Variants in PLD3 observed in about 807,000 individuals in gnomAD.
PLD3 encodes the protein phospholipase D family member 3.
PLD3 carries 31 observed loss-of-function variants against 58.4 expected under a neutral mutation model. The observed-to-expected ratio is 0.53, with a 90% CI of 0.40 to 0.72. The LOEUF (loss-of-function observed/expected upper bound fraction) is 0.72, where lower values mean the gene tolerates loss of function less well. Ranked by LOEUF, PLD3 falls within the 30% of genes least tolerant of loss-of-function variation. The pLI is 0.00. For synonymous variants in PLD3, 264 were observed against 273.4 expected, an observed-to-expected ratio of 0.97 and a Z score of 0.34; for missense variants, 595 against 659.8, an observed-to-expected ratio of 0.90 and a Z score of 1.08.
At chr19:40,372,069 T>C (rs749711245) in intron 9 of PLD3, among the ~76,000 whole-genome samples, 196 bp downstream of exon 9, 25 of 152,170 alleles carry the variant, frequency 1.6e-4, no homozygotes, top group Non-Finnish European at 3.2e-4. Flanking sequence ...AAAATGGGTA[T>C]TGTTTCCAAC....
chr19:40,374,559 A>G lies in PLD3; in HGVS notation c.958A>G (p.Ser320Gly). The change falls in exon 10 of 13, where the codon AGT becomes GGT. Residue 320 changes from serine (S) to glycine (G), a missense_variant. By Grantham distance (56) the Ser-to-Gly change is moderately conservative. Coordinates refer to ENST00000409735, the MANE Select transcript of PLD3 (RefSeq NM_012268.4). ...ALLNVVDNAR[S>G]FIYVAVMNYL... is the part of the protein sequence containing the mutation. ...ACTCAACGTGGTGGACAATGCCCGGAGTTTCATCTACGTCGCTGTCATGAA... is the reference window on the plus strand; with the variant it reads ...ACTCAACGTGGTGGACAATGCCCGGGGTTTCATCTACGTCGCTGTCATGAA... The G allele has an allele frequency of 3.1e-6, 5 of 1,614,130 alleles. No individual in the cohort carries two copies. In the Admixed American group the frequency reaches 6.7e-5, roughly 22 times the overall value.
intron 10 of PLD3, among the ~76,000 whole-genome samples, chr19:40,375,665 A>G (rs944943911): frequency 2.4e-4 from 36 of 149,764 alleles, no homozygotes. Context: ...AAAAAAAAAG[A>G]AAAGAAAAAA....
At chr19:40,367,649 C>T (rs980434411) in intron 5 of PLD3, 47 bp from the exon 6 acceptor site, 3 of 1,535,180 alleles carry the variant, frequency 2.0e-6, no homozygotes, top group South Asian at 2.3e-5. Context: ...ACCTCCCAGC[C>T]CTTGCTCTCC....
At chr19:40,354,826 G>A (rs985025618) in intron 1 of PLD3, among the ~76,000 whole-genome samples, 3 of 145,994 alleles carry the variant, frequency 2.1e-5, no homozygotes, top group African/African-American at 7.6e-5. Context: ...GTGCCCGGCT[G>A]TGTTATTTTT....
intron 2 of PLD3, 77 bp from the exon 3 acceptor site, chr19:40,366,342 G>C (rs1035561387): frequency 1.9e-5 from 15 of 774,048 alleles, no homozygotes; most frequent in Middle Eastern, 6.9e-4. Context: ...ATAGCCCCAA[G>C]ACTAATCACT....
At chr19:40,369,096 G>A (rs2079001316) in intron 6 of PLD3, among the ~76,000 whole-genome samples, 1 of 152,124 alleles carries the variant, frequency 6.6e-6, no homozygotes, top group African/African-American at 2.4e-5. Context: ...CTGCACTCTA[G>A]CCTGGGCAAC....
intron 1 of PLD3, among the ~76,000 whole-genome samples, chr19:40,362,436 T>C (rs2078810037): frequency 6.6e-6 from 1 of 152,188 alleles, no homozygotes; most frequent in African/African-American, 2.4e-5. Context: ...TACTAGTTTT[T>C]ATTTGTTTGT....
chr19:40,375,159 CA>C (rs927680678), intron 10 of PLD3, among the ~76,000 whole-genome samples: 5 of 149,310 alleles, frequency 3.3e-5, no homozygotes, highest in African/African-American at 1.2e-4. Context: ...GACTCTGTCT[CA>C]AAAAAACAAC....
chr19:40,357,725 T>C (rs1179558081), intron 1 of PLD3: 1 of 152,138 alleles, frequency 6.6e-6, no homozygotes, highest in East Asian at 1.9e-4. Context: ...GTCTGGGCCC[T>C]AGAGCTAGAG....
chr19:40,365,848 C>T lies in PLD3; in HGVS notation c.-148C>T, dbSNP rs190321533. The T allele has an allele frequency of 6.1e-3, 936 of 153,572 alleles. 7 individuals are homozygous for T. The highest frequency in any genetic ancestry group is 0.02 in the Middle Eastern group (6 of 296). The allele number at this position is 153,572 out of a possible 1,614,324, so 9.5% of individuals were successfully genotyped here. A position where few individuals can be genotyped will look rare whatever the true frequency, so the allele number is the denominator to read the frequency against. On this transcript the variant is annotated 5_prime_UTR_variant, in exon 2 of 13. Transcript: ENST00000409735. ...ACAGGCCCCGCCCCCTCCTCCCACC[C>T]TCGTTCAGCCTGTCCAGACAGAAGC...
chr19:40,367,112 T>A, intron 5 of PLD3, 197 bp downstream of exon 5: 1 of 594,724 alleles, frequency 1.7e-6, no homozygotes. Flanking sequence ...TCATCTTCTG[T>A]CAGGCCTGTG....
intron 1 of PLD3, among the ~76,000 whole-genome samples, chr19:40,364,827 G>A (rs1024447837): frequency 1.5e-4 from 22 of 151,410 alleles, no homozygotes; most frequent in Middle Eastern, 3.4e-3. Context: ...AGCTGGGCAT[G>A]GTGGCACGTG....
intron 1 of PLD3, chr19:40,359,840 A>G (rs766093918): frequency 3.3e-5 from 5 of 152,034 alleles, no homozygotes; most frequent in African/African-American, 7.3e-5. Context: ...TATGCACATT[A>G]TATGTGTGCT....
At chr19:40,373,187 G>T (rs1400993484) in intron 9 of PLD3, among the ~76,000 whole-genome samples, 1 of 152,124 alleles carries the variant, frequency 6.6e-6, no homozygotes, top group Non-Finnish European at 1.5e-5. Flanking sequence ...GACTCATTGG[G>T]GTCTTTCACT....
intron 9 of PLD3, among the ~76,000 whole-genome samples, chr19:40,373,581 A>C (rs1202053705): frequency 1.3e-5 from 2 of 150,558 alleles, no homozygotes; most frequent in East Asian, 3.9e-4. Context: ...CACTTCAAAA[A>C]AAAAAAAAGG....
intron 8 of PLD3, among the ~76,000 whole-genome samples, chr19:40,371,082 C>T (rs534481592): frequency 9.9e-5 from 15 of 152,224 alleles, no homozygotes; most frequent in Admixed American, 4.6e-4. Context: ...TAATCTGATC[C>T]CTGAAGGATA....
Position 40,371,884 on chromosome 19 carries a change from G to A in PLD3, c.879+11G>A, listed in dbSNP as rs777571072. ...CTGGCCTACCTGGCGGTGAGTCTGG[G>A]GCAAGTGGGGCCTGTCATGTCCCAG... On this transcript the variant is annotated intron_variant, in intron 9 of 12. Transcript: ENST00000409735. The A allele has an allele frequency of 5.6e-6, 9 of 1,608,498 alleles. No homozygotes were observed. The East Asian group carries it at 2.0e-4, about 36-fold the overall frequency.
intron 1 of PLD3, among the ~76,000 whole-genome samples, chr19:40,362,573 C>T (rs968174091): frequency 2.3e-4 from 35 of 152,248 alleles, no homozygotes; most frequent in African/African-American, 8.2e-4. Flanking sequence ...ATAGTTGGAA[C>T]TACACGTCCA....
In PLD3 at chr19:40,367,690, C is replaced by G. The variant is rs2078962621; in HGVS notation, c.246-6C>G. The stretch of plus-strand genomic sequence containing the variant: ...CGTATGGCTGATAGCATCCCCCACC[C>G]CCCAGAGCAGTGCTGGTGGAAAGCA... On this transcript the variant is annotated splice_polypyrimidine_tract_variant and splice_region_variant and intron_variant, in intron 5 of 12. Transcript: ENST00000409735. 1 of 1,603,624 alleles carries G rather than the reference C, an allele frequency of 6.2e-7. No individual in the cohort carries two copies. Among genetic ancestry groups the G allele is most frequent in the Non-Finnish European group, 8.5e-7 (1 of 1,172,274 alleles).
Sources: allele counts gnomAD v4.1 joint callset (sites outside exome capture counted in the v4.1 genomes callset), GRCh38; gene constraint gnomAD v4.1.1; transcripts MANE v1.5; gene names NCBI Gene and HGNC (gene_info 2026-07-23, HGNC 2026-07-21).